Variants in FAM204A observed in about 807,000 individuals in gnomAD.
FAM204A encodes the protein family with sequence similarity 204 member A.
A neutral mutation model predicts 35.4 loss-of-function variants in FAM204A; 16 were observed. The observed-to-expected ratio is 0.45, with a 90% CI of 0.31 to 0.69. The LOEUF (loss-of-function observed/expected upper bound fraction) is 0.69. FAM204A is among the 30% of genes least tolerant of loss of function. FAM204A has a pLI of 0.07. For synonymous variants in FAM204A, 76 were observed against 86.9 expected (o/e 0.88, Z 0.70); for missense variants, 240 against 265.7 (o/e 0.90, Z 0.67).
chr10:118,337,845 T>C (rs1846412712), intron 2 of FAM204A, among the ~76,000 whole-genome samples: 1 of 152,202 alleles, frequency 6.6e-6, no homozygotes, highest in Admixed American at 6.5e-5. Flanking sequence ...CTCTTTGCTA[T>C]TATTATTTCT....
In FAM204A at chr10:118,313,740, A is replaced by G. The variant is rs138408423; in HGVS notation, c.544-2427T>C. Among the ~76,000 whole-genome samples, 188 of 152,324 alleles carry G rather than the reference A, an allele frequency of 1.2e-3. 1 individual carries two copies. The highest frequency in any genetic ancestry group is 2.7e-3 in the East Asian group (14 of 5,186). ...ATGACCCACTCAGCTAGCTTCTCTT[A>G]TATTTCAACTGAGACTATACTGTAA... is the stretch of plus-strand genomic sequence containing the variant. On this transcript the variant is annotated intron_variant, in intron 7 of 8. Transcript: ENST00000369183.
In FAM204A at chr10:118,301,838, G is replaced by GT. The variant is rs1435607684; in HGVS notation, c.*9018dup. Reference sequence around the variant, plus strand: ...TAGCCTGCCGGAGGTTACACAGCTTGTAAGTAGCAGAGCTGGGATTCAAAT... The same window carrying GT: ...TAGCCTGCCGGAGGTTACACAGCTTGTTAAGTAGCAGAGCTGGGATTCAAAT... On this transcript the variant is annotated 3_prime_UTR_variant, in exon 9 of 9. Coordinates refer to ENST00000369183, the MANE Select transcript of FAM204A (RefSeq NM_022063.3). 10 of 152,344 alleles carry GT rather than the reference G, an allele frequency of 6.6e-5. No individual in the cohort carries two copies. In the East Asian group the frequency reaches 1.9e-3, roughly 29 times the overall value. The allele number at this position is 152,344 out of a possible 1,614,324, so 9.4% of individuals were successfully genotyped here.
chr10:118,340,034 T>C (rs1846449835), intron 2 of FAM204A, among the ~76,000 whole-genome samples: 1 of 152,212 alleles, frequency 6.6e-6, no homozygotes, highest in Admixed American at 6.5e-5. Context: ...AGTATGAATA[T>C]AGTAACAGGA....
At chr10:118,328,768 G>A (rs975039087) in intron 6 of FAM204A, among the ~76,000 whole-genome samples, 14 of 152,174 alleles carry the variant, frequency 9.2e-5, no homozygotes, top group African/African-American at 3.4e-4. Flanking sequence ...TGGGATTACA[G>A]GCATGAGCCA....
chr10:118,326,290 C>T (rs1468948324), intron 6 of FAM204A, 47 bp from the exon 7 acceptor site: 4 of 1,491,616 alleles, frequency 2.7e-6, no homozygotes, highest in Non-Finnish European at 1.9e-6. Context: ...GGAAAGCAAA[C>T]ATTTGCTAGC....
rs567726727 is a variant in FAM204A at position 118,332,521 on chromosome 10, T to A, written c.453+2593A>T. Among the ~76,000 whole-genome samples the A allele has an allele frequency of 4.1e-5, 4 of 97,792 alleles. No individual in the cohort carries two copies. In the South Asian group the frequency reaches 1.4e-3, roughly 34 times the overall value. The allele number at this position is 97,792 out of a possible 152,430, so 64.2% of individuals were successfully genotyped here. A position where few individuals can be genotyped will look rare whatever the true frequency, so the allele number is the denominator to read the frequency against. ...CCCTCCACATCCCTATGCCCCTCCC[T>A]CCACATCCTAATGCCCCTCCCTCCA... is the stretch of plus-strand genomic sequence containing the variant. On this transcript the variant is annotated intron_variant, in intron 6 of 8. Coordinates refer to ENST00000369183, the MANE Select transcript of FAM204A (RefSeq NM_022063.3).
intron 7 of FAM204A, among the ~76,000 whole-genome samples, chr10:118,314,126 G>A (rs923188407): frequency 6.6e-6 from 1 of 152,186 alleles, no homozygotes. Flanking sequence ...TCATTAGAAC[G>A]TATTAATAAG....
rs773651374 is a variant in FAM204A at position 118,322,299 on chromosome 10, CACT to C, written c.543+3852_543+3854del. ...ACATCACAGTGGAGAAATCTGGAGA[CACT>C]ACCTGAAGTAGTTAATCGAAGTAAC... On this transcript the variant is annotated intron_variant, in intron 7 of 8. Transcript: ENST00000369183. 2.2e-4 allele frequency: 100 copies of C among 455,358 alleles called. 1 individual carries two copies. The highest frequency in any genetic ancestry group is 1.3e-3 in the Middle Eastern group (4 of 3,068). The allele number at this position is 455,358 out of a possible 1,614,324, so 28.2% of individuals were successfully genotyped here. A position where few individuals can be genotyped will look rare whatever the true frequency, so the allele number is the denominator to read the frequency against.
chr10:118,302,950 G>A lies in FAM204A; in HGVS notation c.*7907C>T, dbSNP rs1473477535. ...AGCTTTTGAAAATGTGGAATCCCAG[G>A]CCCTGCCCCCAGAGAGGGACCCTGG... On this transcript the variant is annotated 3_prime_UTR_variant, in exon 9 of 9. Coordinates refer to ENST00000369183, the MANE Select transcript of FAM204A (RefSeq NM_022063.3). The A allele has an allele frequency of 1.3e-5, 2 of 152,166 alleles. No homozygotes were observed. Among genetic ancestry groups the A allele is most frequent in the Admixed American group, 1.3e-4 (2 of 15,280 alleles). 9.4% of individuals were successfully genotyped at this position (152,166 alleles called of 1,614,324 possible). A position where few individuals can be genotyped will look rare whatever the true frequency, so the allele number is the denominator to read the frequency against.
chr10:118,334,400 C>A (rs773635315), intron 6 of FAM204A, among the ~76,000 whole-genome samples: 1 of 152,162 alleles, frequency 6.6e-6, no homozygotes, highest in Non-Finnish European at 1.5e-5. Context: ...TTCTACAATA[C>A]GCCTCAAATC....
chr10:118,335,144 G>C lies in FAM204A; in HGVS notation c.423C>G (p.Asp141Glu). The C allele has an allele frequency of 6.2e-7, 1 of 1,613,326 alleles. No homozygotes were observed. The highest frequency in any genetic ancestry group is 8.5e-7 in the Non-Finnish European group (1 of 1,179,666). The change falls in exon 6 of 9, where the codon GAC becomes GAG. Residue 141 changes from aspartate (D) to glutamate (E), a missense_variant. Around this residue, in one of 2 missense-constraint regions of FAM204A, gnomAD observed 232 missense variants for 242.8 expected, o/e 0.96. Coordinates refer to ENST00000369183, the MANE Select transcript of FAM204A (RefSeq NM_022063.3). ...CAACTTTTTTCCTTTTAACAGGCGG[G>C]TCAAATCTATCATTGACTCCAAAAT... Reference protein sequence around the residue: ...TQYFGVNDRFDPPVKRKKVEK... With the variant: ...TQYFGVNDRFEPPVKRKKVEK...
chr10:118,331,731 A>G (rs929073465), intron 6 of FAM204A, among the ~76,000 whole-genome samples: 1 of 151,954 alleles, frequency 6.6e-6, no homozygotes, highest in Non-Finnish European at 1.5e-5. Context: ...CTGAACCTAA[A>G]TATCTAGGAA....
intron 2 of FAM204A, among the ~76,000 whole-genome samples, chr10:118,337,900 G>A (rs535453348): frequency 2.6e-5 from 4 of 152,014 alleles, no homozygotes; most frequent in African/African-American, 9.7e-5. Context: ...TGAGTGACAG[G>A]GTTCATAAGA....
At position 118,301,439 on chromosome 10, in the gene FAM204A, T is replaced by C. The variant is rs934875891; in HGVS notation, c.*9418A>G. 1 of 152,214 alleles carries C rather than the reference T, an allele frequency of 6.6e-6. No homozygotes were observed. Among genetic ancestry groups the C allele is most frequent in the Non-Finnish European group, 1.5e-5 (1 of 68,038 alleles). The allele number at this position is 152,214 out of a possible 1,614,324, so 9.4% of individuals were successfully genotyped here. ...ACAGTTAAGAGGGCCAAAAGACACC[T>C]GTATACTGCATGACTTTCATTCAAG... is the stretch of plus-strand genomic sequence containing the variant. On this transcript the variant is annotated 3_prime_UTR_variant, in exon 9 of 9. Transcript: ENST00000369183.
Position 118,332,188 on chromosome 10 carries a change from A to AAAAAAAAAAAAAAAAAC in FAM204A, c.453+2925_453+2926insGTTTTTTTTTTTTTTTT, listed in dbSNP as rs1846302143. The stretch of plus-strand genomic sequence containing the variant: ...CTCTGTTTCAGAAAAAAAAAAAAAA[A>AAAAAAAAAAAAAAAAAC]ATCATATGAGTCAGGTAAATAAAAA... On this transcript the variant is annotated intron_variant, in intron 6 of 8. Transcript: ENST00000369183. Among the ~76,000 whole-genome samples the AAAAAAAAAAAAAAAAAC allele has an allele frequency of 1.3e-5, 2 of 150,366 alleles. 1 individual carries two copies. Among genetic ancestry groups the AAAAAAAAAAAAAAAAAC allele is most frequent in the Non-Finnish European group, 3.0e-5 (2 of 67,540 alleles).
At position 118,298,435 on chromosome 10, in the gene FAM204A, A is replaced by T. The variant is rs528963006; in HGVS notation, c.*12422T>A. On this transcript the variant is annotated 3_prime_UTR_variant, in exon 9 of 9. Coordinates refer to ENST00000369183, the MANE Select transcript of FAM204A (RefSeq NM_022063.3). Reference sequence around the variant, plus strand: ...ATAAAGACGCTTATTCTCTCCTACCAGTTACTCTTCATTTTTATGTGTCAG... The same window carrying T: ...ATAAAGACGCTTATTCTCTCCTACCTGTTACTCTTCATTTTTATGTGTCAG... 1 of 152,304 alleles carries T rather than the reference A, an allele frequency of 6.6e-6. No homozygotes were observed. Among genetic ancestry groups the T allele is most frequent in the Non-Finnish European group, 1.5e-5 (1 of 68,022 alleles). The allele number at this position is 152,304 out of a possible 1,614,324, so 9.4% of individuals were successfully genotyped here. A position where few individuals can be genotyped will look rare whatever the true frequency, so the allele number is the denominator to read the frequency against.
intron 7 of FAM204A, among the ~76,000 whole-genome samples, chr10:118,322,107 CAA>C (rs1157564462): frequency 6.6e-6 from 1 of 152,026 alleles, no homozygotes; most frequent in Non-Finnish European, 1.5e-5. Context: ...TTTTAAAGAT[CAA>C]AAGTCATTTG....
chr10:118,315,549 TTCTTTAATTAAATGA>T (rs1316638363), intron 7 of FAM204A, among the ~76,000 whole-genome samples: 6 of 152,212 alleles, frequency 3.9e-5, no homozygotes, highest in Admixed American at 3.3e-4. Flanking sequence ...TTCTCTTTTG[TTCTTTAATTAAATGA>T]AAACAGATGT....
chr10:118,338,795 A>G (rs1846427390), intron 2 of FAM204A, among the ~76,000 whole-genome samples: 1 of 152,176 alleles, frequency 6.6e-6, no homozygotes, highest in African/African-American at 2.4e-5. Context: ...GTGATAGTCT[A>G]TGCTCTGGGC....
Sources: allele counts gnomAD v4.1 joint callset (sites outside exome capture counted in the v4.1 genomes callset), GRCh38; gene constraint gnomAD v4.1.1; regional missense constraint gnomAD v4.1.1; transcripts MANE v1.5; gene names NCBI Gene and HGNC (gene_info 2026-07-23, HGNC 2026-07-21).